CTDSPL: variants seen among roughly 807,000 people sequenced by gnomAD.
The protein encoded by CTDSPL is CTD small phosphatase like.
In CTDSPL, 8 loss-of-function variants were observed where a neutral mutation model predicts 30.5. The ratio of observed to expected loss-of-function variants is 0.26; its 90% CI spans 0.15 to 0.47. The LOEUF (loss-of-function observed/expected upper bound fraction) is 0.47. CTDSPL is among the 20% of genes least tolerant of loss of function. The pLI, the probability that CTDSPL is intolerant of heterozygous loss-of-function variation, is 0.99. For missense variants in CTDSPL, 248 were observed against 366.1 expected (o/e 0.68, Z 2.63); for synonymous variants, 110 against 137.9 (o/e 0.80, Z 1.42).
intron 1 of CTDSPL, among the ~76,000 whole-genome samples, chr3:37,872,233 G>C (rs1698079488): frequency 6.6e-6 from 1 of 152,144 alleles, no homozygotes; most frequent in South Asian, 2.1e-4. Flanking sequence ...CTAATTGTTT[G>C]TTGAAGCATT....
rs138337051 is a variant in CTDSPL at position 37,918,499 on chromosome 3, C to G, written c.80-28558C>G. Among the ~76,000 whole-genome samples the G allele has an allele frequency of 2.1e-4, 32 of 152,298 alleles. 1 individual carries two copies. In the East Asian group the frequency reaches 5.8e-3, roughly 28 times the overall value. On this transcript the variant is annotated intron_variant, in intron 1 of 7. Coordinates refer to ENST00000273179, the MANE Select transcript of CTDSPL (RefSeq NM_001008392.2). ...TCTAGCCTATAAATGTGGTCTGCCTCTAGAATTGTCATCTGGGCTGGCATT... is the reference window on the plus strand; with the variant it reads ...TCTAGCCTATAAATGTGGTCTGCCTGTAGAATTGTCATCTGGGCTGGCATT...
rs2125637621 is a variant in CTDSPL at position 37,981,282 on chromosome 3, T to C, written c.*415T>C. On this transcript the variant is annotated 3_prime_UTR_variant, in exon 8 of 8. Transcript: ENST00000273179. ...AGGATGAAGTGCCTTTTGAATGTTATTTTAAGCCGAGAGTTAATTTTTCTA... is the reference window on the plus strand; with the variant it reads ...AGGATGAAGTGCCTTTTGAATGTTACTTTAAGCCGAGAGTTAATTTTTCTA... 6.3e-6 allele frequency: 1 copy of C among 159,260 alleles called. No homozygotes were observed. The highest frequency in any genetic ancestry group is 1.7e-4 in the South Asian group (1 of 5,844). 9.9% of individuals were successfully genotyped at this position (159,260 alleles called of 1,614,324 possible).
At chr3:37,958,846 TAGTGAGCAC>T (rs1419191040) in intron 3 of CTDSPL, among the ~76,000 whole-genome samples, 1 of 152,198 alleles carries the variant, frequency 6.6e-6, no homozygotes, top group Non-Finnish European at 1.5e-5. Flanking sequence ...GCATTTCCAC[TAGTGAGCAC>T]AGTGTGATTT....
In CTDSPL at chr3:37,940,868, C is replaced by T. The variant is rs1056595939; in HGVS notation, c.80-6189C>T. Among the ~76,000 whole-genome samples, 13 of 150,484 alleles carry T rather than the reference C, an allele frequency of 8.6e-5. 1 individual carries two copies. Among genetic ancestry groups the T allele is most frequent in the African/African-American group, 2.4e-4 (10 of 41,330 alleles). On this transcript the variant is annotated intron_variant, in intron 1 of 7. Transcript: ENST00000273179. Reference sequence around the variant, plus strand: ...ATCTGTAACTGGTGCTTTGAAGATACGGGTTCTTGCTGCTGGGCCAGCACT... The same window carrying T: ...ATCTGTAACTGGTGCTTTGAAGATATGGGTTCTTGCTGCTGGGCCAGCACT...
chr3:37,977,619 T>C (rs1699443743), intron 7 of CTDSPL, among the ~76,000 whole-genome samples: 1 of 151,134 alleles, frequency 6.6e-6, no homozygotes, highest in South Asian at 2.1e-4. Flanking sequence ...CCAGATGCAA[T>C]GGCTCACACC....
At chr3:37,921,961 C>T (rs1424997343) in intron 1 of CTDSPL, among the ~76,000 whole-genome samples, 3 of 152,160 alleles carry the variant, frequency 2.0e-5, no homozygotes, top group Non-Finnish European at 2.9e-5. Flanking sequence ...GGGCCAGGCG[C>T]GGTGGCTCAC....
At chr3:37,899,245 C>T (rs1180217350) in intron 1 of CTDSPL, among the ~76,000 whole-genome samples, 1 of 152,170 alleles carries the variant, frequency 6.6e-6, no homozygotes, top group Non-Finnish European at 1.5e-5. Context: ...TGGAGGAGCT[C>T]ACCTAGGGAG....
intron 5 of CTDSPL, chr3:37,968,197 C>A: frequency 2.2e-6 from 1 of 460,750 alleles, no homozygotes; most frequent in Non-Finnish European, 4.2e-6. Context: ...TGTGTAATTG[C>A]TTTCGGCTAC....
intron 1 of CTDSPL, among the ~76,000 whole-genome samples, chr3:37,937,206 G>A (rs1287331823): frequency 6.7e-6 from 1 of 150,102 alleles, no homozygotes; most frequent in African/African-American, 2.4e-5. Context: ...GAGGTAGGGG[G>A]GCTTGTGGCT....
intron 1 of CTDSPL, among the ~76,000 whole-genome samples, chr3:37,870,511 A>T (rs1234119869): frequency 6.6e-6 from 1 of 152,076 alleles, no homozygotes; most frequent in Non-Finnish European, 1.5e-5. Flanking sequence ...ACAAATAACC[A>T]GTTCTTTGTT....
chr3:37,929,745 T>C (rs1318022255), intron 1 of CTDSPL, among the ~76,000 whole-genome samples: 2 of 152,206 alleles, frequency 1.3e-5, no homozygotes, highest in African/African-American at 4.8e-5. Flanking sequence ...TCTTCCTTTC[T>C]GATTTGTATG....
rs1699508437 is a variant in CTDSPL, at chr3:37,982,869, T to C, written c.*2002T>C. The C allele has an allele frequency of 8.6e-6, 3 of 347,190 alleles. No homozygotes were observed. The Admixed American group carries it at 1.1e-4, about 13-fold the overall frequency. 21.5% of individuals were successfully genotyped at this position (347,190 alleles called of 1,614,324 possible). A position where few individuals can be genotyped will look rare whatever the true frequency, so the allele number is the denominator to read the frequency against. ...GTTGCAGTCAAGTGTCTGTCATGTGTTGATATCCACACAGAATTAGGCCCT... is the reference window on the plus strand; with the variant it reads ...GTTGCAGTCAAGTGTCTGTCATGTGCTGATATCCACACAGAATTAGGCCCT... On this transcript the variant is annotated 3_prime_UTR_variant, in exon 8 of 8. Transcript: ENST00000273179.
intron 2 of CTDSPL, among the ~76,000 whole-genome samples, chr3:37,951,436 G>T (rs933288170): frequency 6.6e-6 from 1 of 152,138 alleles, no homozygotes; most frequent in Non-Finnish European, 1.5e-5. Flanking sequence ...AGCACTTTGG[G>T]AGGCTAAGGC....
chr3:37,862,340 T>C lies in CTDSPL; in HGVS notation c.79+62T>C. The C allele has an allele frequency of 7.3e-7, 1 of 1,360,608 alleles. No homozygotes were observed. Among genetic ancestry groups the C allele is most frequent in the Non-Finnish European group, 9.5e-7 (1 of 1,049,208 alleles). The allele number at this position is 1,360,608 out of a possible 1,614,324, so 84.3% of individuals were successfully genotyped here. A position where few individuals can be genotyped will look rare whatever the true frequency, so the allele number is the denominator to read the frequency against. ...AGCGCACACCCCGCGCCGCTGGAGT[T>C]CACTGCCGGGCGCCGGCATGGGCCT... On this transcript the variant is annotated intron_variant, in intron 1 of 7. Transcript: ENST00000273179. The surrounding 1 kb of genome is among the most constrained non-coding windows in gnomAD (Gnocchi z 4.3).
At chr3:37,952,043 G>A (rs1392911440) in intron 2 of CTDSPL, among the ~76,000 whole-genome samples, 1 of 152,100 alleles carries the variant, frequency 6.6e-6, no homozygotes, top group African/African-American at 2.4e-5. Context: ...TGGGCACGGT[G>A]GCTAATGTCT....
At chr3:37,931,414 C>T (rs752396305) in intron 1 of CTDSPL, among the ~76,000 whole-genome samples, 26 of 152,248 alleles carry the variant, frequency 1.7e-4, no homozygotes, top group Non-Finnish European at 3.2e-4. Flanking sequence ...CTCAGCCTCC[C>T]AAAGCACTGG....
At chr3:37,979,613 A>C (rs1475871510) in intron 7 of CTDSPL, among the ~76,000 whole-genome samples, 2 of 152,226 alleles carry the variant, frequency 1.3e-5, no homozygotes, top group South Asian at 4.1e-4. Context: ...AAAGAAAAAA[A>C]ATTAGCCAAG....
intron 5 of CTDSPL, among the ~76,000 whole-genome samples, chr3:37,969,211 A>G (rs1699334569): frequency 6.6e-6 from 1 of 152,242 alleles, no homozygotes; most frequent in Non-Finnish European, 1.5e-5. Context: ...AGAGAAATTA[A>G]TCCTTTGTAC....
intron 1 of CTDSPL, among the ~76,000 whole-genome samples, chr3:37,903,205 C>A (rs562888136): frequency 6.6e-6 from 1 of 152,158 alleles, no homozygotes; most frequent in East Asian, 1.9e-4. Context: ...GCAGCCGGTC[C>A]GATTGCTGGA....
Sources: allele counts gnomAD v4.1 joint callset (sites outside exome capture counted in the v4.1 genomes callset), GRCh38; gene constraint gnomAD v4.1.1; non-coding constraint Gnocchi (gnomAD v3.1); transcripts MANE v1.5; gene names NCBI Gene and HGNC (gene_info 2026-07-23, HGNC 2026-07-21).